FAM184A: variants seen among roughly 807,000 people sequenced by gnomAD.
FAM184A encodes the protein family with sequence similarity 184 member A.
FAM184A carries 99 observed loss-of-function variants against 143.8 expected under a neutral mutation model. The ratio of observed to expected loss-of-function variants is 0.69; its 90% CI spans 0.58 to 0.81. The LOEUF (loss-of-function observed/expected upper bound fraction) is 0.81, where lower values mean the gene tolerates loss of function less well. Ranked by LOEUF, FAM184A falls within the 40% of genes least tolerant of loss-of-function variation. FAM184A has a pLI of 0.00. For missense variants in FAM184A, 1,217 were observed against 1,310.5 expected (o/e 0.93, Z 1.10); for synonymous variants, 427 against 446.4 (o/e 0.96, Z 0.55).
chr6:118,967,253 C>A (rs1246704228), intron 14 of FAM184A, among the ~76,000 whole-genome samples: 1 of 152,072 alleles, frequency 6.6e-6, no homozygotes, highest in East Asian at 1.9e-4. Flanking sequence ...ATAAGCTCTG[C>A]AGAAGAAATT....
chr6:119,095,812 A>G (rs924271814), intron 1 of FAM184A, among the ~76,000 whole-genome samples: 5 of 152,134 alleles, frequency 3.3e-5, no homozygotes, highest in Admixed American at 3.3e-4. Flanking sequence ...TTCTGGCTCA[A>G]CTTCCCAAAG....
At chr6:119,005,461 T>C (rs1784890325) in intron 7 of FAM184A, 1 of 152,328 alleles carries the variant, frequency 6.6e-6, no homozygotes, top group Admixed American at 6.5e-5. Flanking sequence ...TCACCAATTC[T>C]GAACTAAAAA....
At chr6:119,091,194 TA>T (rs1479466515) in intron 1 of FAM184A, among the ~76,000 whole-genome samples, 1 of 152,190 alleles carries the variant, frequency 6.6e-6, no homozygotes, top group Non-Finnish European at 1.5e-5. Flanking sequence ...TAAAAATTTA[TA>T]AAAATAATTC....
intron 7 of FAM184A, 107 bp downstream of exon 7, chr6:119,006,340 A>C: frequency 9.5e-7 from 1 of 1,055,596 alleles, no homozygotes; most frequent in Non-Finnish European, 1.4e-6. Context: ...TCTAAGAACT[A>C]ATATACTAAT....
intron 2 of FAM184A, among the ~76,000 whole-genome samples, chr6:119,023,504 A>C (rs1168431588): frequency 3.3e-5 from 5 of 151,686 alleles, no homozygotes; most frequent in African/African-American, 1.2e-4. Flanking sequence ...ATGTATTTAA[A>C]CTTTAAGCCC....
At chr6:119,065,338 A>G (rs960891682) in intron 1 of FAM184A, among the ~76,000 whole-genome samples, 6 of 152,040 alleles carry the variant, frequency 3.9e-5, no homozygotes, top group Non-Finnish European at 7.4e-5. Flanking sequence ...GCCCTAGTCA[A>G]CTCTTTACAG....
intron 9 of FAM184A, among the ~76,000 whole-genome samples, chr6:118,991,080 T>A (rs1784363093): frequency 6.6e-6 from 1 of 152,024 alleles, no homozygotes; most frequent in East Asian, 1.9e-4. Context: ...GTATTATGAT[T>A]TTTAAAAAGG....
chr6:119,086,056 A>C (rs1788213996), intron 1 of FAM184A, among the ~76,000 whole-genome samples: 1 of 152,140 alleles, frequency 6.6e-6, no homozygotes, highest in South Asian at 2.1e-4. Flanking sequence ...TCCACATGAG[A>C]TTTGGTAGAG....
chr6:119,018,510 A>G (rs201831948), intron 4 of FAM184A, among the ~76,000 whole-genome samples: 6 of 152,142 alleles, frequency 3.9e-5, no homozygotes, highest in African/African-American at 1.5e-4. Flanking sequence ...ACAAGGTGAT[A>G]AAGTGGTGAA....
At chr6:119,024,940 T>C in intron 1 of FAM184A, 127 bp from the exon 2 acceptor site, 2 of 890,594 alleles carry the variant, frequency 2.2e-6, no homozygotes, top group Admixed American at 5.8e-5. Context: ...TAATGTTAAA[T>C]ATGGAATCTT....
intron 1 of FAM184A, among the ~76,000 whole-genome samples, chr6:119,088,200 T>G (rs547634197): frequency 5.9e-5 from 9 of 152,326 alleles, no homozygotes; most frequent in African/African-American, 1.9e-4. Flanking sequence ...ATCTACTTAA[T>G]GCACTAAATA....
chr6:118,981,184 G>A (rs1397015846), intron 9 of FAM184A, among the ~76,000 whole-genome samples: 2 of 152,026 alleles, frequency 1.3e-5, no homozygotes, highest in Non-Finnish European at 1.5e-5. Context: ...ATTTTGGGAA[G>A]AATAAAAACA....
intron 1 of FAM184A, among the ~76,000 whole-genome samples, chr6:119,132,680 A>T (rs1413469402): frequency 1.3e-5 from 2 of 152,240 alleles, no homozygotes; most frequent in Admixed American, 1.3e-4. Flanking sequence ...TAACGGACTT[A>T]CAGCTCTCTT....
At chr6:119,018,193 T>C (rs1010195680) in intron 4 of FAM184A, among the ~76,000 whole-genome samples, 1 of 152,266 alleles carries the variant, frequency 6.6e-6, no homozygotes, top group South Asian at 2.1e-4. Flanking sequence ...TGCATGTGCG[T>C]GTGCATGTGT....
intron 1 of FAM184A, among the ~76,000 whole-genome samples, chr6:119,093,801 A>T (rs1432731489): frequency 1.3e-5 from 2 of 152,140 alleles, no homozygotes; most frequent in African/African-American, 4.8e-5. Flanking sequence ...ATATCCTCAC[A>T]GAGGCCTTCA....
chr6:119,006,459 T>C lies in FAM184A; in HGVS notation c.1803A>G (p.Leu601=), dbSNP rs759262077. 1 of 1,608,308 alleles carries C rather than the reference T, an allele frequency of 6.2e-7. No individual in the cohort carries two copies. Among genetic ancestry groups the C allele is most frequent in the South Asian group, 1.1e-5 (1 of 89,136 alleles). ...KDSLKETKDA[L]LNVEGELEQE... is the part of the protein sequence containing the mutation. ...ATTATGAAATTACCTCCACATTTAA[T>C]AGAGCATCCTTGGTCTCCTTTAGGC... Residue 601 remains leucine (L), a synonymous_variant, in exon 7 of 18, where the codon CTA becomes CTG. Transcript: ENST00000338891.
intron 1 of FAM184A, among the ~76,000 whole-genome samples, chr6:119,105,223 A>G (rs1788749439): frequency 6.6e-6 from 1 of 152,204 alleles, no homozygotes; most frequent in African/African-American, 2.4e-5. Flanking sequence ...GGTGTGGAAT[A>G]TATAGGAACT....
intron 1 of FAM184A, among the ~76,000 whole-genome samples, chr6:119,040,579 A>G (rs1786290658): frequency 6.6e-6 from 1 of 152,188 alleles, no homozygotes; most frequent in South Asian, 2.1e-4. Flanking sequence ...AGCCTTGCAC[A>G]AATGGTGGGG....
At chr6:119,056,282 T>G (rs1002398774) in intron 1 of FAM184A, among the ~76,000 whole-genome samples, 1 of 152,150 alleles carries the variant, frequency 6.6e-6, no homozygotes, top group African/African-American at 2.4e-5. Flanking sequence ...GAAACTAGGT[T>G]TTTGGTTTAT....
Sources: gnomAD v4.1 joint callset for allele counts (sites outside exome capture counted in the v4.1 genomes callset) on GRCh38, gnomAD v4.1.1 for gene constraint, MANE v1.5 for transcripts, NCBI Gene and HGNC (gene_info 2026-07-23, HGNC 2026-07-21) for gene names.